MACROD2: variants seen among roughly 807,000 people sequenced by gnomAD.
MACROD2 encodes the protein ADP-ribose glycohydrolase MACROD2.
MACROD2 carries 36 observed loss-of-function variants against 70.4 expected under a neutral mutation model. That is an observed-to-expected ratio of 0.51 (90% CI 0.39 to 0.68). The LOEUF is 0.68. Among genes scored for constraint, MACROD2 ranks in the 30% least tolerant of loss-of-function variants. MACROD2 has a pLI of 0.00. For synonymous variants in MACROD2, 172 were observed against 178.8 expected (o/e 0.96, Z 0.30); for missense variants, 496 against 538.4 (o/e 0.92, Z 0.78).
At chr20:15,453,290 G>A (rs566339103) in intron 7 of MACROD2, among the ~76,000 whole-genome samples, 9 of 152,134 alleles carry the variant, frequency 5.9e-5, no homozygotes, top group African/African-American at 2.2e-4. Context: ...AGATTCCAGT[G>A]CTCATTGGAT....
At chr20:14,560,920 A>C (rs1979391817) in intron 4 of MACROD2, among the ~76,000 whole-genome samples, 1 of 151,916 alleles carries the variant, frequency 6.6e-6, no homozygotes, top group African/African-American at 2.4e-5. Flanking sequence ...CCTTATTAAT[A>C]TACTAGGAAA....
chr20:14,684,820 T>C, intron 4 of MACROD2, 23 bp from the exon 5 acceptor site: 1 of 1,589,568 alleles, frequency 6.3e-7, no homozygotes, highest in East Asian at 2.2e-5. Context: ...AAATATAAGC[T>C]AACTTTCTTC....
intron 3 of MACROD2, among the ~76,000 whole-genome samples, chr20:14,419,725 G>T (rs1298468195): frequency 6.6e-6 from 1 of 152,086 alleles, no homozygotes; most frequent in African/African-American, 2.4e-5. Flanking sequence ...AGGATCTAAA[G>T]ATGATCTTGC....
intron 4 of MACROD2, among the ~76,000 whole-genome samples, chr20:14,502,557 G>A (rs2084926260): frequency 6.6e-6 from 1 of 152,084 alleles, no homozygotes; most frequent in African/African-American, 2.4e-5. Flanking sequence ...TTACAGGTGT[G>A]GAATAACTAA....
At chr20:16,007,377 G>A (rs2066803350) in intron 15 of MACROD2, among the ~76,000 whole-genome samples, 1 of 152,162 alleles carries the variant, frequency 6.6e-6, no homozygotes, top group South Asian at 2.1e-4. Context: ...GTAAGACTTA[G>A]AAGAAAGAAA....
At chr20:15,616,969 A>G (rs2049048286) in intron 8 of MACROD2, among the ~76,000 whole-genome samples, 1 of 152,154 alleles carries the variant, frequency 6.6e-6, no homozygotes, top group African/African-American at 2.4e-5. Context: ...TCAGATCTCA[A>G]ACACAATTTG....
intron 3 of MACROD2, among the ~76,000 whole-genome samples, chr20:14,247,998 GT>G (rs1340680646): frequency 6.6e-6 from 1 of 152,192 alleles, no homozygotes; most frequent in African/African-American, 2.4e-5. Context: ...TGTTGTTGCT[GT>G]GGTCTAACAG....
intron 5 of MACROD2, among the ~76,000 whole-genome samples, chr20:15,011,256 C>T (rs990768177): frequency 6.6e-6 from 1 of 151,852 alleles, no homozygotes; most frequent in Non-Finnish European, 1.5e-5. Flanking sequence ...TGAAGTTGTA[C>T]AATGGATTTC....
chr20:14,236,487 A>T (rs2122221248), intron 3 of MACROD2, among the ~76,000 whole-genome samples: 1 of 152,258 alleles, frequency 6.6e-6, no homozygotes, highest in African/African-American at 2.4e-5. Context: ...AAAAAAAGCA[A>T]AAAAAACTAC....
intron 8 of MACROD2, among the ~76,000 whole-genome samples, chr20:15,609,099 A>G (rs1402271595): frequency 1.3e-5 from 2 of 152,132 alleles, no homozygotes; most frequent in African/African-American, 2.4e-5. Flanking sequence ...TTAACAAATG[A>G]TCTGAAATCC....
intron 6 of MACROD2, among the ~76,000 whole-genome samples, chr20:15,310,798 G>A (rs948088550): frequency 9.2e-5 from 14 of 152,014 alleles, no homozygotes; most frequent in Admixed American, 4.6e-4. Context: ...CTTTTACATC[G>A]CACTCAGATA....
intron 5 of MACROD2, among the ~76,000 whole-genome samples, chr20:15,210,422 T>A (rs2145945798): frequency 6.6e-6 from 1 of 152,326 alleles, no homozygotes; most frequent in South Asian, 2.1e-4. Flanking sequence ...GTGTTTTGCA[T>A]ATTCTGGGCA....
At chr20:15,615,663 A>G (rs2049027353) in intron 8 of MACROD2, among the ~76,000 whole-genome samples, 1 of 152,150 alleles carries the variant, frequency 6.6e-6, no homozygotes, top group Non-Finnish European at 1.5e-5. Flanking sequence ...ACCATGGTCC[A>G]AGGGCCTGTG....
At chr20:15,265,738 T>C (rs1188404520) in intron 6 of MACROD2, among the ~76,000 whole-genome samples, 1 of 152,220 alleles carries the variant, frequency 6.6e-6, no homozygotes, top group Non-Finnish European at 1.5e-5. Flanking sequence ...TAAAAGGCTA[T>C]AACCATGCAC....
At chr20:14,486,143 G>A (rs1457541946) in intron 3 of MACROD2, among the ~76,000 whole-genome samples, 1 of 152,128 alleles carries the variant, frequency 6.6e-6, no homozygotes, top group East Asian at 1.9e-4. Flanking sequence ...TCATGGACCA[G>A]GGGCCACCAA....
intron 8 of MACROD2, among the ~76,000 whole-genome samples, chr20:15,786,906 G>C (rs555931638): frequency 6.6e-6 from 1 of 152,140 alleles, no homozygotes; most frequent in Non-Finnish European, 1.5e-5. Context: ...CATACAAAGT[G>C]TAAGTGTCCC....
Position 14,152,378 on chromosome 20 carries a change from A to G in MACROD2, c.271+66650A>G, listed in dbSNP as rs1011931791. 2.0e-5 allele frequency among the ~76,000 whole-genome samples: 3 copies of G among 152,022 alleles called. No individual in the cohort carries two copies. The South Asian group carries it at 6.2e-4, about 32-fold the overall frequency. On this transcript the variant is annotated intron_variant, in intron 3 of 17. Coordinates refer to ENST00000684519, the MANE Select transcript of MACROD2 (RefSeq NM_001351661.2). ...CTTTGAATAAATTAAATCAGTCAAC[A>G]ATAATTGCATTTTTAGTATTTTAAA...
chr20:15,287,190 C>A (rs941587592), intron 6 of MACROD2, among the ~76,000 whole-genome samples: 3 of 152,112 alleles, frequency 2.0e-5, no homozygotes, highest in Admixed American at 6.5e-5. Context: ...AAGTTAGATC[C>A]TATCAATAAA....
intron 8 of MACROD2, among the ~76,000 whole-genome samples, chr20:15,824,649 G>A (rs909762867): frequency 4.6e-5 from 7 of 152,178 alleles, no homozygotes; most frequent in African/African-American, 1.7e-4. Flanking sequence ...AGCCTGGCAT[G>A]AGGAAGTAAA....
Sources: gnomAD v4.1 joint callset for allele counts (sites outside exome capture counted in the v4.1 genomes callset) on GRCh38, gnomAD v4.1.1 for gene constraint, MANE v1.5 for transcripts, NCBI Gene and HGNC (gene_info 2026-07-23, HGNC 2026-07-21) for gene names.